Variants in ETV3L observed in about 807,000 individuals in gnomAD.
ETV3L encodes ETS translocation variant 3-like protein.
A neutral mutation model predicts 27.6 loss-of-function variants in ETV3L; 30 were observed. The observed-to-expected ratio is 1.09, with a 90% CI of 0.81 to 1.48. The LOEUF (loss-of-function observed/expected upper bound fraction) is 1.48. Ranked by LOEUF, ETV3L falls within the 40% of genes most tolerant of loss-of-function variation. The pLI is 0.00. For missense variants in ETV3L, 443 were observed against 455.6 expected, an observed-to-expected ratio of 0.97 and a Z score of 0.25; for synonymous variants, 186 against 188.9, an observed-to-expected ratio of 0.98 and a Z score of 0.12.
Position 157,098,736 on chromosome 1 carries a change from TG to T in ETV3L, c.455del (p.Pro152GlnfsTer27), listed in dbSNP as rs775805690. Reference sequence around the variant, plus strand: ...TCTGCACACCCACGGGCACCAGCGCTGGCCGACACAGGGCAGGGGCCCCCAG... The same window carrying T: ...TCTGCACACCCACGGGCACCAGCGCTGCCGACACAGGGCAGGGGCCCCCAG... ...LLLGAPALCR[P>X]ALVPVGVQSE... is the part of the protein sequence containing the mutation. On this transcript the variant is annotated frameshift_variant, in exon 3 of 5. Transcript: ENST00000454449. LOFTEE classifies it high-confidence loss of function. 1.2e-5 allele frequency: 19 copies of T among 1,610,822 alleles called. No homozygotes were observed. In the Admixed American group the frequency reaches 3.2e-4, roughly 27 times the overall value.
At chr1:157,095,551 C>CTTTTTT (rs397939617) in intron 4 of ETV3L, among the ~76,000 whole-genome samples, 9 of 140,586 alleles carry the variant, frequency 6.4e-5, no homozygotes, top group Non-Finnish European at 9.2e-5. Flanking sequence ...TTCTTTCTTT[C>CTTTTTT]TTTTTTTTTT....
At position 157,099,292 on chromosome 1, in the gene ETV3L, G is replaced by A. The variant is rs1374575011; in HGVS notation, c.145C>T (p.Leu49=). The change falls in exon 2 of 5, where the codon CTG becomes TTG. Residue 49 remains leucine (L), a synonymous_variant. Coordinates refer to ENST00000454449, the MANE Select transcript of ETV3L (RefSeq NM_001004341.2). ...ACATGGCGGAACTCTTCCTTCTGCA[G>A]CAGCTCCAGGATGAAGTGCCACAGC... is the stretch of plus-strand genomic sequence containing the variant. ...IQLWHFILEL[L]QKEEFRHVIA... 3 of 1,614,060 alleles carry A rather than the reference G, an allele frequency of 1.9e-6. No individual in the cohort carries two copies. The Admixed American group carries it at 5.0e-5, about 27-fold the overall frequency.
intron 3 of ETV3L, among the ~76,000 whole-genome samples, 192 bp downstream of exon 3, chr1:157,098,514 T>C (rs575532943): frequency 6.6e-6 from 1 of 152,234 alleles, no homozygotes; most frequent in East Asian, 1.9e-4. Flanking sequence ...AGCCACCCTT[T>C]CTCACAGGTG....
In ETV3L at chr1:157,098,755, G is replaced by T; in HGVS notation, c.437C>A (p.Ala146Asp). ...APPSPHLLLG[A>D]PALCRPALVP... ...CAGCGCTGGCCGACACAGGGCAGGG[G>T]CCCCCAGCAGCAAGTGGGGGGATGG... is the stretch of plus-strand genomic sequence containing the variant. The change falls in exon 3 of 5, where the codon GCC becomes GAC. Residue 146 changes from alanine to aspartate, a missense_variant. Transcript: ENST00000454449. The T allele has an allele frequency of 6.2e-7, 1 of 1,613,304 alleles. No individual in the cohort carries two copies. Among genetic ancestry groups the T allele is most frequent in the East Asian group, 2.2e-5 (1 of 44,874 alleles).
rs16838072 is a variant in ETV3L at position 157,098,880 on chromosome 1, C to T, written c.312G>A (p.Lys104=). ...TGCCTTTGGTCTTATGCAGGATCCT[C>T]TTATTGTAGTAATATCTGGAGAATT... The part of the protein sequence containing the change: ...LSRALRYYYN[K]RILHKTKGKR... The change falls in exon 3 of 5, where the codon AAG becomes AAA. Residue 104 remains lysine (K), a synonymous_variant. Transcript: ENST00000454449. 2.6e-3 allele frequency: 4,236 copies of T among 1,612,424 alleles called. 97 individuals are homozygous for T. In the African/African-American group the frequency reaches 0.049, roughly 19 times the overall value.
At chr1:157,095,582 G>A (rs1674203742) in intron 4 of ETV3L, among the ~76,000 whole-genome samples, 1 of 149,078 alleles carries the variant, frequency 6.7e-6, no homozygotes, top group Admixed American at 6.7e-5. Flanking sequence ...TCCACCTGGA[G>A]AGGGAACACT....
chr1:157,097,811 G>A, intron 4 of ETV3L, 57 bp downstream of exon 4: 9 of 1,606,032 alleles, frequency 5.6e-6, no homozygotes, highest in East Asian at 2.2e-5. Context: ...TCAGCCAGGA[G>A]GGCCCTCCCT....
At chr1:157,097,714 G>A (rs1250759636) in intron 4 of ETV3L, among the ~76,000 whole-genome samples, 154 bp downstream of exon 4, 1 of 152,166 alleles carries the variant, frequency 6.6e-6, no homozygotes, top group Non-Finnish European at 1.5e-5. Flanking sequence ...CCCGCACTTA[G>A]TAAATAGCTG....
chr1:157,093,612 C>T (rs1674166047), intron 4 of ETV3L, among the ~76,000 whole-genome samples: 1 of 151,906 alleles, frequency 6.6e-6, no homozygotes, highest in African/African-American at 2.4e-5. Flanking sequence ...CTGTCTCAGC[C>T]TCTCGAGTAG....
In ETV3L at chr1:157,093,018, AG is replaced by A; in HGVS notation, c.716del (p.Pro239LeufsTer74). 1 of 1,599,158 alleles carries A rather than the reference AG, an allele frequency of 6.3e-7. No homozygotes were observed. ...AGAGACAGGTCCAGTTGGAGGGCAG[AG>A]GGGGCGGGAGGGGAGGAGTGAAGGA... ...VASFTPPLPP[P>X]LPSNWTCLSG... On this transcript the variant is annotated frameshift_variant, in exon 5 of 5. Transcript: ENST00000454449. LOFTEE classifies it low-confidence loss of function (END_TRUNC).
At chr1:157,094,479 T>C (rs1016299429) in intron 4 of ETV3L, among the ~76,000 whole-genome samples, 1 of 152,208 alleles carries the variant, frequency 6.6e-6, no homozygotes, top group African/African-American at 2.4e-5. Context: ...GAGATGACTA[T>C]ATAGAACTTC....
chr1:157,092,339 C>G lies in ETV3L; in HGVS notation c.*310G>C. ...CCAGGCTAGACCCTTAATTTTCCCCCTTATGTGGGCAGGATGGAAATTATA... is the reference window on the plus strand; with the variant it reads ...CCAGGCTAGACCCTTAATTTTCCCCGTTATGTGGGCAGGATGGAAATTATA... On this transcript the variant is annotated 3_prime_UTR_variant, in exon 5 of 5. Transcript: ENST00000454449. The G allele has an allele frequency of 3.4e-6, 1 of 294,358 alleles. No homozygotes were observed. Among genetic ancestry groups the G allele is most frequent in the Non-Finnish European group, 6.3e-6 (1 of 158,366 alleles). The allele number at this position is 294,358 out of a possible 1,614,324, so 18.2% of individuals were successfully genotyped here. A position where few individuals can be genotyped will look rare whatever the true frequency, so the allele number is the denominator to read the frequency against.
chr1:157,095,704 A>G (rs1396110725), intron 4 of ETV3L, among the ~76,000 whole-genome samples: 1 of 151,990 alleles, frequency 6.6e-6, no homozygotes, highest in Non-Finnish European at 1.5e-5. Flanking sequence ...TTCAGGTGCT[A>G]TTTAGCTCCA....
At chr1:157,097,697 C>G (rs1193013072) in intron 4 of ETV3L, among the ~76,000 whole-genome samples, 171 bp downstream of exon 4, 2 of 152,198 alleles carry the variant, frequency 1.3e-5, no homozygotes, top group Non-Finnish European at 2.9e-5. Flanking sequence ...CCTTTCATCT[C>G]TGAACCCCCG....
intron 4 of ETV3L, among the ~76,000 whole-genome samples, chr1:157,094,778 T>C (rs1674188671): frequency 6.6e-6 from 1 of 152,038 alleles, no homozygotes; most frequent in Non-Finnish European, 1.5e-5. Context: ...CCGGGCGTGG[T>C]GGCACGCACC....
In ETV3L at chr1:157,099,673, A is replaced by G; in HGVS notation, c.-150T>C. 1.4e-6 allele frequency: 1 copy of G among 705,082 alleles called. No homozygotes were observed. The highest frequency in any genetic ancestry group is 2.4e-6 in the Non-Finnish European group (1 of 417,356). The allele number at this position is 705,082 out of a possible 1,614,324, so 43.7% of individuals were successfully genotyped here. Reference sequence around the variant, plus strand: ...GAAGGAAGGGAGAGGGTCAGGAAAGAAAGAGAGAAAAGGGAAGGGACAAGA... The same window carrying G: ...GAAGGAAGGGAGAGGGTCAGGAAAGGAAGAGAGAAAAGGGAAGGGACAAGA... On this transcript the variant is annotated 5_prime_UTR_variant, in exon 1 of 5. Coordinates refer to ENST00000454449, the MANE Select transcript of ETV3L (RefSeq NM_001004341.2).
intron 4 of ETV3L, 145 bp downstream of exon 4, chr1:157,097,723 T>C: frequency 9.9e-7 from 1 of 1,014,692 alleles, no homozygotes; most frequent in Non-Finnish European, 1.4e-6. Flanking sequence ...AGTAAATAGC[T>C]GGTGTTCAAT....
At position 157,098,732 on chromosome 1, in the gene ETV3L, G is replaced by GCGCACACCCA. The variant is rs772728724; in HGVS notation, c.459_460insTGGGTGTGCG (p.Leu154TrpfsTer12). The GCGCACACCCA allele has an allele frequency of 1.2e-5, 19 of 1,609,922 alleles. No homozygotes were observed. In the Admixed American group the frequency reaches 3.2e-4, roughly 27 times the overall value. On this transcript the variant is annotated frameshift_variant, in exon 3 of 5. Transcript: ENST00000454449. LOFTEE classifies it high-confidence loss of function. ...TCACTCTGCACACCCACGGGCACCA[G>GCGCACACCCA]CGCTGGCCGACACAGGGCAGGGGCC... is the stretch of plus-strand genomic sequence containing the variant.
chr1:157,092,740 G>C lies in ETV3L; in HGVS notation c.995C>G (p.Pro332Arg), dbSNP rs1674139652. 2 of 1,614,168 alleles carry C rather than the reference G, an allele frequency of 1.2e-6. No homozygotes were observed. Among genetic ancestry groups the C allele is most frequent in the Non-Finnish European group, 1.7e-6 (2 of 1,180,012 alleles). Residue 332 changes from proline (P) to arginine (R), a missense_variant, in exon 5 of 5, where the codon CCA becomes CGA. By Grantham distance (103) the Pro-to-Arg change is moderately radical. Transcript: ENST00000454449. ...GGLDPREVFC[P>R]ETRRLKTGEE... ...CCCAGTTTTGAGTCTGCGGGTCTCT[G>C]GGCAGAAGACCTCCCTGGGATCCAG...
Sources: gnomAD v4.1 joint callset for allele counts (sites outside exome capture counted in the v4.1 genomes callset) on GRCh38, gnomAD v4.1.1 for gene constraint, MANE v1.5 for transcripts, NCBI Gene and HGNC (gene_info 2026-07-23, HGNC 2026-07-21) for gene names.